The following PTCHD4 variants were observed in gnomAD, a reference collection of about 807,000 sequenced individuals.
PTCHD4 encodes patched domain-containing protein 4.
In PTCHD4, 33 loss-of-function variants were observed where a neutral mutation model predicts 58.1. The ratio of observed to expected loss-of-function variants is 0.57; its 90% CI spans 0.43 to 0.76. The LOEUF (loss-of-function observed/expected upper bound fraction) is 0.76, where lower values mean the gene tolerates loss of function less well. PTCHD4 is among the 30% of genes least tolerant of loss of function. The pLI is 0.00. For synonymous variants in PTCHD4, 478 were observed against 409.6 expected (o/e 1.17, Z -2.02); for missense variants, 1,058 against 1,027.1 (o/e 1.03, Z -0.41).
At chr6:47,925,854 C>G (rs1436973951) in intron 4 of PTCHD4, among the ~76,000 whole-genome samples, 2 of 152,172 alleles carry the variant, frequency 1.3e-5, no homozygotes, top group Admixed American at 1.3e-4. Context: ...CCTCCTTTAT[C>G]TCATCATTCT....
In PTCHD4 at chr6:48,069,047, C is replaced by A. The variant is rs924067437; in HGVS notation, c.-90G>T. Among the ~76,000 whole-genome samples, 2 of 146,996 alleles carry A rather than the reference C, an allele frequency of 1.4e-5. No homozygotes were observed. The highest frequency in any genetic ancestry group is 3.0e-5 in the Non-Finnish European group (2 of 67,106). ...AGGTGGTTCCGTGTGGAGCGTCCCA[C>A]AGATGTGGATTTCCTCTCTGTCTTG... On this transcript the variant is annotated 5_prime_UTR_variant, in exon 2 of 5. Coordinates refer to ENST00000339488, the MANE Select transcript of PTCHD4 (RefSeq NM_001384253.1).
chr6:47,971,116 G>T (rs573603569), intron 4 of PTCHD4, among the ~76,000 whole-genome samples: 1 of 152,126 alleles, frequency 6.6e-6, no homozygotes, highest in Admixed American at 6.5e-5. Flanking sequence ...TTTTCGAGGA[G>T]AGCCTTGAAG....
intron 4 of PTCHD4, among the ~76,000 whole-genome samples, chr6:47,956,413 C>T (rs1766862344): frequency 2.6e-5 from 4 of 151,866 alleles, no homozygotes; most frequent in Admixed American, 2.6e-4. Context: ...GTATTTGAAG[C>T]CAGAGAGTAT....
At chr6:47,908,386 T>C (rs144013097) in intron 4 of PTCHD4, among the ~76,000 whole-genome samples, 12 of 152,280 alleles carry the variant, frequency 7.9e-5, no homozygotes, top group African/African-American at 2.9e-4. Flanking sequence ...TCCTTTTTCC[T>C]GCCTAGAATT....
intron 4 of PTCHD4, chr6:47,901,952 G>T: frequency 7.8e-7 from 1 of 1,286,176 alleles, no homozygotes; most frequent in Non-Finnish European, 1.0e-6. Context: ...AATAGTATGA[G>T]CAAGTCAGTA....
At position 47,869,825 on chromosome 6, in the gene PTCHD4, T is replaced by C. The variant is rs1763669222; in HGVS notation, c.*8478A>G. On this transcript the variant is annotated 3_prime_UTR_variant, in exon 5 of 5. Coordinates refer to ENST00000339488, the MANE Select transcript of PTCHD4 (RefSeq NM_001384253.1). ...CATTGTGATGTTATAAGATGTTTTG[T>C]TTAGGAAGTTTAATTCTTAGCCTAG... Among the ~76,000 whole-genome samples, 1 of 151,678 alleles carries C rather than the reference T, an allele frequency of 6.6e-6. No individual in the cohort carries two copies. Among genetic ancestry groups the C allele is most frequent in the South Asian group, 2.1e-4 (1 of 4,834 alleles).
intron 3 of PTCHD4, among the ~76,000 whole-genome samples, chr6:48,023,572 C>T (rs188475248): frequency 1.6e-4 from 24 of 152,198 alleles, no homozygotes; most frequent in African/African-American, 4.6e-4. Context: ...TAATTGTATC[C>T]CTTCTGATAT....
In PTCHD4 at chr6:48,008,915, T is replaced by C. The variant is rs774829925; in HGVS notation, c.617A>G (p.His206Arg). 17 of 1,613,886 alleles carry C rather than the reference T, an allele frequency of 1.1e-5. No homozygotes were observed. Among genetic ancestry groups the C allele is most frequent in the Admixed American group, 1.7e-5 (1 of 59,982 alleles). The change falls in exon 4 of 5, where the codon CAT becomes CGT. Residue 206 changes from histidine to arginine, a missense_variant. By Grantham distance (29) the His-to-Arg change is conservative. Transcript: ENST00000339488. Reference sequence around the variant, plus strand: ...TAAAGAGTAGAGCTGGAGTTCTTGATGCTCCTCCTGGAGCTTCCTTATAAG... The same window carrying C: ...TAAAGAGTAGAGCTGGAGTTCTTGACGCTCCTCCTGGAGCTTCCTTATAAG... ...CKLIRKLQEE[H>R]QELQLYSLAS...
At chr6:47,943,354 T>C (rs536351507) in intron 4 of PTCHD4, among the ~76,000 whole-genome samples, 1 of 152,268 alleles carries the variant, frequency 6.6e-6, no homozygotes, top group Non-Finnish European at 1.5e-5. Flanking sequence ...TTCCTAAGAA[T>C]ACCCTTATTT....
At chr6:48,033,100 G>A (rs1763509292) in intron 3 of PTCHD4, among the ~76,000 whole-genome samples, 1 of 151,820 alleles carries the variant, frequency 6.6e-6, no homozygotes, top group South Asian at 2.1e-4. Flanking sequence ...GAAACCAATT[G>A]GTCTAATTTA....
At chr6:48,067,938 G>A (rs1764855737) in intron 3 of PTCHD4, among the ~76,000 whole-genome samples, 1 of 151,804 alleles carries the variant, frequency 6.6e-6, no homozygotes, top group Non-Finnish European at 1.5e-5. Context: ...CCCCAGAAAT[G>A]AAAGAAGCAT....
intron 4 of PTCHD4, among the ~76,000 whole-genome samples, chr6:47,882,443 C>T (rs1030410982): frequency 6.6e-6 from 1 of 151,916 alleles, no homozygotes; most frequent in Non-Finnish European, 1.5e-5. Context: ...TTTTATCCCA[C>T]TCATATGTTT....
rs761209709 is a variant in PTCHD4 at position 48,009,037 on chromosome 6, C to T, written c.495G>A (p.Lys165=). Residue 165 remains lysine, a synonymous_variant, in exon 4 of 5, where the codon AAG becomes AAA. Coordinates refer to ENST00000339488, the MANE Select transcript of PTCHD4 (RefSeq NM_001384253.1). ...AGGTGATTTGAATGGCTCTGGCTGACTTGACCCGCTGATCTTTGCTGTTTG... is the reference window on the plus strand; with the variant it reads ...AGGTGATTTGAATGGCTCTGGCTGATTTGACCCGCTGATCTTTGCTGTTTG... ...EVPNSKDQRV[K]SARAIQITYY... 1 of 1,613,910 alleles carries T rather than the reference C, an allele frequency of 6.2e-7. No individual in the cohort carries two copies. Among genetic ancestry groups the T allele is most frequent in the Admixed American group, 1.7e-5 (1 of 59,978 alleles).
chr6:48,057,216 C>T (rs1387877663), intron 3 of PTCHD4, among the ~76,000 whole-genome samples: 1 of 150,964 alleles, frequency 6.6e-6, no homozygotes, highest in Non-Finnish European at 1.5e-5. Flanking sequence ...TTTTCTGAGC[C>T]CAAAGCTGTT....
At chr6:48,034,022 A>G (rs1763542900) in intron 3 of PTCHD4, among the ~76,000 whole-genome samples, 1 of 152,124 alleles carries the variant, frequency 6.6e-6, no homozygotes, top group African/African-American at 2.4e-5. Flanking sequence ...GTTACCTTGG[A>G]AAGCACCTTC....
At chr6:48,049,442 TA>T (rs1359033488) in intron 3 of PTCHD4, among the ~76,000 whole-genome samples, 8 of 151,964 alleles carry the variant, frequency 5.3e-5, no homozygotes, top group African/African-American at 1.9e-4. Context: ...CTCTCAAGAC[TA>T]AAATAATGCA....
chr6:48,083,115 C>T (rs1331111), intron 1 of PTCHD4, among the ~76,000 whole-genome samples: 23,494 of 149,570 alleles, frequency 0.16, 1,888 homozygotes, highest in African/African-American at 0.2. Flanking sequence ...AAACTTTCTT[C>T]CAGAAAGTCT....
Position 47,866,169 on chromosome 6 carries a change from G to A in PTCHD4, c.*12134C>T, listed in dbSNP as rs773337360. On this transcript the variant is annotated 3_prime_UTR_variant, in exon 5 of 5. Coordinates refer to ENST00000339488, the MANE Select transcript of PTCHD4 (RefSeq NM_001384253.1). ...TATTCTAGTTATAGATGTCACAGAC[G>A]CTTTTGTCTTGTGACTTTTTAAAAC... 2.0e-5 allele frequency among the ~76,000 whole-genome samples: 3 copies of A among 151,838 alleles called. No homozygotes were observed. Among genetic ancestry groups the A allele is most frequent in the Non-Finnish European group, 4.4e-5 (3 of 67,882 alleles).
At chr6:48,087,350 T>C (rs1765283698) in intron 1 of PTCHD4, among the ~76,000 whole-genome samples, 1 of 152,232 alleles carries the variant, frequency 6.6e-6, no homozygotes, top group Non-Finnish European at 1.5e-5. Context: ...TTTTCCTCTA[T>C]GACTATAACT....
Sources: allele counts gnomAD v4.1 joint callset (sites outside exome capture counted in the v4.1 genomes callset), GRCh38; gene constraint gnomAD v4.1.1; transcripts MANE v1.5; gene names NCBI Gene and HGNC (gene_info 2026-07-23, HGNC 2026-07-21).